TPTE2: variants seen among roughly 807,000 people sequenced by gnomAD.
TPTE2 encodes the protein transmembrane phosphoinositide 3-phosphatase and tensin homolog 2.
In TPTE2, 53 loss-of-function variants were observed where a neutral mutation model predicts 78.6. The ratio of observed to expected loss-of-function variants is 0.67; its 90% confidence interval spans 0.54 to 0.85. The LOEUF (loss-of-function observed/expected upper bound fraction) is 0.85. Among genes scored for constraint, TPTE2 ranks in the 40% least tolerant of loss-of-function variants. TPTE2 has a pLI of 0.00. For synonymous variants in TPTE2, 175 were observed against 206.2 expected, an observed-to-expected ratio of 0.85 and a Z score of 1.30; for missense variants, 461 against 623.0, an observed-to-expected ratio of 0.74 and a Z score of 2.77.
chr13:19,530,988 C>T (rs994130354), intron 1 of TPTE2, among the ~76,000 whole-genome samples: 2 of 152,110 alleles, frequency 1.3e-5, no homozygotes, highest in African/African-American at 2.4e-5. Context: ...AAAGTCTATA[C>T]CCATTAAACA....
rs1204458864 is a variant in TPTE2 at position 19,492,537 on chromosome 13, C to T, written c.119+313G>A. ...CTAACAGGAAGAAGCAGCTCTCCTA[C>T]GAACTGACCTCCTTATACAACTCCT... On this transcript the variant is annotated intron_variant, in intron 3 of 19. Coordinates refer to ENST00000400230, the Ensembl canonical transcript of TPTE2. Among the ~76,000 whole-genome samples, 3 of 152,066 alleles carry T rather than the reference C, an allele frequency of 2.0e-5. 1 individual carries two copies. Among genetic ancestry groups the T allele is most frequent in the Middle Eastern group, 6.4e-3 (2 of 314 alleles).
upstream of TPTE2, among the ~76,000 whole-genome samples, chr13:19,537,748 G>A (rs185282423): frequency 6.6e-6 from 1 of 151,250 alleles, no homozygotes; most frequent in African/African-American, 2.4e-5. Flanking sequence ...GATTACAGGT[G>A]CCCACGACCA....
At chr13:19,534,006 A>G (rs990419190) in intron 1 of TPTE2, among the ~76,000 whole-genome samples, 2 of 152,254 alleles carry the variant, frequency 1.3e-5, no homozygotes, top group African/African-American at 4.8e-5. Context: ...TGGTAAAGGT[A>G]GACCTCTATC....
At chr13:19,561,515 T>A in the TPTE2 span, among the ~76,000 whole-genome samples, 1 of 151,760 alleles carries the variant, frequency 6.6e-6, no homozygotes, top group African/African-American at 2.4e-5. Context: ...TATCAGGAAG[T>A]AAGTGGGGAG....
At chr13:19,538,297 T>G (rs1871323471), upstream of TPTE2, among the ~76,000 whole-genome samples, 1 of 152,052 alleles carries the variant, frequency 6.6e-6, no homozygotes, top group Non-Finnish European at 1.5e-5. Context: ...CTCGGCTCAC[T>G]GCAAGCTCCG....
At chr13:19,561,181 A>T in the TPTE2 span, 1 of 1,565,616 alleles carries the variant, frequency 6.4e-7, no homozygotes, top group Non-Finnish European at 8.8e-7. Flanking sequence ...TCTGTCTCCG[A>T]GGAGCCCTTT....
chr13:19,543,078 G>C, the TPTE2 span, among the ~76,000 whole-genome samples: 16 of 148,500 alleles, frequency 1.1e-4, no homozygotes, highest in Non-Finnish European at 2.4e-4. Context: ...TTTTAATTAA[G>C]ACAGAGTCTT....
chr13:19,448,674 G>C (rs56038032), intron 13 of TPTE2, among the ~76,000 whole-genome samples: 16,256 of 83,746 alleles, frequency 0.19, 1,003 homozygotes, highest in East Asian at 0.36. Context: ...AGTTGGTGAG[G>C]ATGAAGAGAA....
At chr13:19,508,380 C>T (rs1869211582) in intron 1 of TPTE2, among the ~76,000 whole-genome samples, 1 of 152,084 alleles carries the variant, frequency 6.6e-6, no homozygotes, top group Admixed American at 6.5e-5. Context: ...TACTGGAACA[C>T]ACTGACCAAG....
At chr13:19,490,774 G>T (rs1301539903) in intron 3 of TPTE2, among the ~76,000 whole-genome samples, 4 of 152,212 alleles carry the variant, frequency 2.6e-5, no homozygotes, top group Non-Finnish European at 4.4e-5. Flanking sequence ...CAGACGAAGA[G>T]ACCAGGGGTC....
At chr13:19,480,182 G>A (rs191924698) in intron 4 of TPTE2, among the ~76,000 whole-genome samples, 52 of 152,134 alleles carry the variant, frequency 3.4e-4, no homozygotes, top group East Asian at 1.2e-3. Flanking sequence ...CACTGGACAC[G>A]TTTTTCTCTG....
At chr13:19,497,782 G>A (rs1408397861) in intron 1 of TPTE2, among the ~76,000 whole-genome samples, 79 of 151,452 alleles carry the variant, frequency 5.2e-4, no homozygotes, top group East Asian at 5.8e-4. Context: ...CACCAGCAAC[G>A]GAACAAAGCT....
chr13:19,484,460 T>C (rs1236615915), intron 3 of TPTE2, among the ~76,000 whole-genome samples: 1 of 152,184 alleles, frequency 6.6e-6, no homozygotes, highest in Non-Finnish European at 1.5e-5. Context: ...ATGTTCTGTA[T>C]ATGTTTGTTA....
chr13:19,479,272 G>A (rs1455639026), intron 4 of TPTE2, among the ~76,000 whole-genome samples: 4 of 152,126 alleles, frequency 2.6e-5, no homozygotes, highest in Admixed American at 2.6e-4. Context: ...TCTTACACTA[G>A]GATTCAAGGT....
At chr13:19,443,737 T>TAC (rs373060672) in intron 13 of TPTE2, among the ~76,000 whole-genome samples, 2,736 of 129,824 alleles carry the variant, frequency 0.021, 32 homozygotes, top group Middle Eastern at 0.048. Context: ...TGGTAGCTAA[T>TAC]ACACACACAC....
intron 1 of TPTE2, among the ~76,000 whole-genome samples, chr13:19,515,881 G>C (rs1207230688): frequency 6.6e-6 from 1 of 152,212 alleles, no homozygotes; most frequent in African/African-American, 2.4e-5. Context: ...GACAAGCCAG[G>C]ATTGCTAAGC....
intron 1 of TPTE2, among the ~76,000 whole-genome samples, chr13:19,508,595 G>C (rs368449425): frequency 2.0e-5 from 3 of 152,212 alleles, no homozygotes; most frequent in African/African-American, 7.2e-5. Flanking sequence ...AGAGTTAGAA[G>C]GTTAGATTGA....
intron 1 of TPTE2, among the ~76,000 whole-genome samples, chr13:19,515,665 C>T (rs1418292259): frequency 3.3e-5 from 5 of 152,126 alleles, no homozygotes; most frequent in African/African-American, 1.2e-4. Context: ...CTATAGGCAT[C>T]CGCTACTTTT....
chr13:19,526,861 A>G (rs920460069), intron 1 of TPTE2, among the ~76,000 whole-genome samples: 34 of 152,144 alleles, frequency 2.2e-4, no homozygotes, highest in Non-Finnish European at 4.0e-4. Flanking sequence ...GTTAATATTG[A>G]TGTATAGGTA....
Sources: gnomAD v4.1 joint callset for allele counts (sites outside exome capture counted in the v4.1 genomes callset) on GRCh38, gnomAD v4.1.1 for gene constraint, MANE v1.5 for transcripts, NCBI Gene and HGNC (gene_info 2026-07-23, HGNC 2026-07-21) for gene names.